XYLT1: variants seen among roughly 807,000 people sequenced by gnomAD.
XYLT1 encodes beta-D-xylosyltransferase 1.
In XYLT1, 36 loss-of-function variants were observed where a neutral mutation model predicts 91.3. That is an observed-to-expected ratio of 0.39 (90% CI 0.30 to 0.52). The LOEUF (loss-of-function observed/expected upper bound fraction) is 0.52, where lower values mean the gene tolerates loss of function less well. XYLT1 is among the 20% of genes least tolerant of loss of function. The probability of loss-of-function intolerance (pLI) is 0.68; values close to 1 mark genes in which losing one functional copy is unlikely to be tolerated. For synonymous variants in XYLT1, 588 were observed against 532.0 expected (o/e 1.11, Z -1.45); for missense variants, 1,242 against 1,284.5 (o/e 0.97, Z 0.51).
Position 17,464,386 on chromosome 16 carries a change from G to A in XYLT1, c.363+6048C>T, listed in dbSNP as rs1474153039. Among the ~76,000 whole-genome samples the A allele has an allele frequency of 3.3e-5, 5 of 151,812 alleles. No individual in the cohort carries two copies. In the East Asian group the frequency reaches 9.7e-4, roughly 30 times the overall value. On this transcript the variant is annotated intron_variant, in intron 1 of 11. Coordinates refer to ENST00000261381, the MANE Select transcript of XYLT1 (RefSeq NM_022166.4). ...GGGTGCCTGTAATCCCAGCTAATCA[G>A]GAGGCTGAGGCAGGAGAATTGCTTG...
At chr16:17,204,966 C>CAAAAAAAAAAAAA in intron 3 of XYLT1, among the ~76,000 whole-genome samples, 1 of 81,288 alleles carries the variant, frequency 1.2e-5, no homozygotes. Context: ...TGCCCAGCTC[C>CAAAAAAAAAAAAA]AAAAAAAAAA....
intron 1 of XYLT1, among the ~76,000 whole-genome samples, chr16:17,458,406 A>G (rs573574217): frequency 6.6e-6 from 1 of 152,214 alleles, no homozygotes; most frequent in South Asian, 2.1e-4. Flanking sequence ...AAAGACGCAC[A>G]TGAAATGTCC....
chr16:17,144,080 G>A (rs973037351), intron 6 of XYLT1, among the ~76,000 whole-genome samples: 2 of 152,156 alleles, frequency 1.3e-5, no homozygotes, highest in African/African-American at 4.8e-5. Flanking sequence ...ATATTTACAG[G>A]TGTATGAACT....
chr16:17,256,954 G>T (rs1363024558), intron 3 of XYLT1, among the ~76,000 whole-genome samples: 1 of 152,174 alleles, frequency 6.6e-6, no homozygotes, highest in Non-Finnish European at 1.5e-5. Context: ...TGTTGACCCT[G>T]ACACCTCCCC....
At chr16:17,311,841 A>C (rs1314781377) in intron 2 of XYLT1, among the ~76,000 whole-genome samples, 1 of 146,054 alleles carries the variant, frequency 6.8e-6, no homozygotes, top group African/African-American at 2.5e-5. Context: ...CAGCAGGCAA[A>C]AGGAAAATGA....
At position 17,233,064 on chromosome 16, in the gene XYLT1, A is replaced by T. The variant is rs74010748; in HGVS notation, c.913+25924T>A. On this transcript the variant is annotated intron_variant, in intron 3 of 11. Transcript: ENST00000261381. ...AGGGGGCACCTTCCCTTCACCTGCC[A>T]CATACAAAGAGGGGCCGTTTAATAA... is the stretch of plus-strand genomic sequence containing the variant. Among the ~76,000 whole-genome samples, 492 of 152,170 alleles carry T rather than the reference A, an allele frequency of 3.2e-3. 2 individuals are homozygous for T. Among genetic ancestry groups the T allele is most frequent in the African/African-American group, 0.011 (449 of 41,512 alleles).
intron 10 of XYLT1, among the ~76,000 whole-genome samples, chr16:17,118,472 C>T (rs1055369942): frequency 2.0e-5 from 3 of 152,160 alleles, no homozygotes; most frequent in Non-Finnish European, 4.4e-5. Flanking sequence ...CTATCATAAG[C>T]TAGAGACCCT....
chr16:17,141,306 C>G lies in XYLT1; in HGVS notation c.1434G>C (p.Leu478=), dbSNP rs765712605. 33 of 1,614,196 alleles carry G rather than the reference C, an allele frequency of 2.0e-5. No individual in the cohort carries two copies. The highest frequency in any genetic ancestry group is 2.7e-5 in the Non-Finnish European group (32 of 1,180,036). Residue 478 remains leucine, a synonymous_variant, in exon 7 of 12, where the codon CTG becomes CTC. Coordinates refer to ENST00000261381, the MANE Select transcript of XYLT1 (RefSeq NM_022166.4). ...FLECDAHMWR[L]GDRRIPEGIA... is the part of the protein sequence containing the mutation. Reference sequence around the variant, plus strand: ...TGCCCTCTGGGATCCGCCGATCTCCCAGGCGCCACATGTGAGCGTCGCACT... The same window carrying G: ...TGCCCTCTGGGATCCGCCGATCTCCGAGGCGCCACATGTGAGCGTCGCACT...
chr16:17,437,824 C>T (rs1416238902), intron 1 of XYLT1, among the ~76,000 whole-genome samples: 1 of 152,150 alleles, frequency 6.6e-6, no homozygotes, highest in African/African-American at 2.4e-5. Flanking sequence ...TGAACTCCAG[C>T]ATCATGTCCT....
At chr16:17,311,317 T>C (rs1425301755) in intron 2 of XYLT1, among the ~76,000 whole-genome samples, 2 of 152,160 alleles carry the variant, frequency 1.3e-5, no homozygotes, top group Non-Finnish European at 1.5e-5. Context: ...CTAGGTCCTC[T>C]GGTTCATGTG....
chr16:17,275,258 G>C (rs1316457186), intron 2 of XYLT1, among the ~76,000 whole-genome samples: 2 of 152,196 alleles, frequency 1.3e-5, no homozygotes, highest in Non-Finnish European at 2.9e-5. Context: ...ACATTTCACA[G>C]GTGAAAGTAT....
intron 1 of XYLT1, among the ~76,000 whole-genome samples, chr16:17,426,221 G>A (rs1193181630): frequency 6.6e-6 from 1 of 152,146 alleles, no homozygotes; most frequent in East Asian, 1.9e-4. Context: ...AAATAAACAA[G>A]ATTATTTTAG....
chr16:17,216,936 A>G (rs904035426), intron 3 of XYLT1, among the ~76,000 whole-genome samples: 1 of 152,204 alleles, frequency 6.6e-6, no homozygotes, highest in African/African-American at 2.4e-5. Context: ...TAGTCAACAC[A>G]ACATTTGGTT....
chr16:17,332,176 T>TA (rs2034907790), intron 2 of XYLT1, among the ~76,000 whole-genome samples: 1 of 152,232 alleles, frequency 6.6e-6, no homozygotes, highest in Non-Finnish European at 1.5e-5. Flanking sequence ...ACGTGACACA[T>TA]AAACTGCTGT....
intron 1 of XYLT1, among the ~76,000 whole-genome samples, chr16:17,376,752 G>A (rs532115063): frequency 2.7e-4 from 41 of 149,688 alleles, no homozygotes; most frequent in African/African-American, 9.6e-4. Flanking sequence ...GCTTGAATCC[G>A]GGAGGCGGAG....
In XYLT1 at chr16:17,102,176, G is replaced by A. The variant is rs137895239; in HGVS notation, c.*6519C>T. The A allele has an allele frequency of 0.016, 2,412 of 152,312 alleles. 33 individuals carry two copies. Among genetic ancestry groups the A allele is most frequent in the Non-Finnish European group, 0.024 (1,626 of 68,010 alleles). 9.4% of individuals were successfully genotyped at this position (152,312 alleles called of 1,614,324 possible). A position where few individuals can be genotyped will look rare whatever the true frequency, so the allele number is the denominator to read the frequency against. ...CCTGCAGTCTCAGCATCCCATCCAC[G>A]TGGTGCTTCCTTTAACTCTCAAAAG... On this transcript the variant is annotated 3_prime_UTR_variant, in exon 12 of 12. Coordinates refer to ENST00000261381, the MANE Select transcript of XYLT1 (RefSeq NM_022166.4).
chr16:17,440,379 G>A (rs1339386825), intron 1 of XYLT1, among the ~76,000 whole-genome samples: 1 of 152,218 alleles, frequency 6.6e-6, no homozygotes, highest in Admixed American at 6.5e-5. Context: ...CAAACAATAA[G>A]TGGTAAGTAT....
intron 2 of XYLT1, among the ~76,000 whole-genome samples, chr16:17,270,035 G>A (rs1221561211): frequency 6.6e-6 from 1 of 151,930 alleles, no homozygotes; most frequent in Non-Finnish European, 1.5e-5. Flanking sequence ...GGCTGGTCTC[G>A]AACTCCTGAC....
intron 2 of XYLT1, among the ~76,000 whole-genome samples, chr16:17,283,282 T>A (rs1040065142): frequency 3.9e-5 from 6 of 152,108 alleles, no homozygotes; most frequent in Admixed American, 3.9e-4. Context: ...CTGTAATAAG[T>A]GAATTGTTCT....
Sources: gnomAD v4.1 joint callset for allele counts (sites outside exome capture counted in the v4.1 genomes callset) on GRCh38, gnomAD v4.1.1 for gene constraint, MANE v1.5 for transcripts, NCBI Gene and HGNC (gene_info 2026-07-23, HGNC 2026-07-21) for gene names.